EP300: variants seen among roughly 807,000 people sequenced by gnomAD.
EP300 encodes histone acetyltransferase p300.
A neutral mutation model predicts 264.0 loss-of-function variants in EP300; 31 were observed. The ratio of observed to expected loss-of-function variants is 0.12; its 90% CI spans 0.09 to 0.16. EP300 has a LOEUF of 0.16. Ranked by LOEUF, EP300 falls within the 10% of genes least tolerant of loss-of-function variation. The pLI, the probability that EP300 is intolerant of heterozygous loss-of-function variation, is 1.00. For missense variants in EP300, 2,766 were observed against 3,052.9 expected, an observed-to-expected ratio of 0.91 and a Z score of 2.21; for synonymous variants, 1,340 against 1,045.4, an observed-to-expected ratio of 1.28 and a Z score of -5.44.
chr22:41,093,107 C>T lies in EP300; in HGVS notation c.94+9C>T, dbSNP rs916422444. On this transcript the variant is annotated intron_variant, in intron 1 of 30. Coordinates refer to ENST00000263253, the MANE Select transcript of EP300 (RefSeq NM_001429.4). ...CGCCAGCGATGGCACAGGTTAGTTT[C>T]GGCAGCCCCGGCCTTCCACGTTCCC... 1.2e-5 allele frequency: 19 copies of T among 1,613,516 alleles called. No homozygotes were observed. The highest frequency in any genetic ancestry group is 1.5e-5 in the Non-Finnish European group (18 of 1,179,686).
At chr22:41,173,894 C>T (rs1427469712) in intron 29 of EP300, 110 bp downstream of exon 29, 13 of 1,319,648 alleles carry the variant, frequency 9.9e-6, no homozygotes, top group Non-Finnish European at 1.3e-5. Flanking sequence ...GGTGGATCAC[C>T]TGAGGTCAGG....
At chr22:41,098,140 C>A (rs1451640288) in intron 1 of EP300, among the ~76,000 whole-genome samples, 2 of 152,134 alleles carry the variant, frequency 1.3e-5, no homozygotes, top group East Asian at 3.9e-4. Context: ...CTAATGCTAT[C>A]CCTCTCCCCT....
At position 41,117,817 on chromosome 22, in the gene EP300, T is replaced by C. The variant is rs971363378; in HGVS notation, c.725T>C (p.Leu242Pro). The change falls in exon 2 of 31, where the codon CTT (leucine) becomes CCT (proline). Residue 242 changes from leucine (L) to proline (P), a missense_variant. Transcript: ENST00000263253. ...ACAGGATTGAGAGGCCCCCAGCCTC[T>C]TAAGGTAAGTACAGTTTTGGTTTGT... ...GQTGLRGPQPLKMGMMNNPNP... is the reference protein window; with the variant it reads ...GQTGLRGPQPPKMGMMNNPNP... The C allele has an allele frequency of 2.5e-6, 4 of 1,613,798 alleles. No homozygotes were observed. Among genetic ancestry groups the C allele is most frequent in the Non-Finnish European group, 3.4e-6 (4 of 1,180,038 alleles).
chr22:41,139,693 G>C (rs1012317569), intron 8 of EP300, among the ~76,000 whole-genome samples: 1 of 152,038 alleles, frequency 6.6e-6, no homozygotes, highest in African/African-American at 2.4e-5. Context: ...TCAGGTTTTT[G>C]GTTTTTTGTT....
chr22:41,117,699 C>G lies in EP300; in HGVS notation c.607C>G (p.Gln203Glu), dbSNP rs2145697540. ...NGSIGAGRGR[Q>E]NMQYPNPGMG... ...TTCAATTGGAGCAGGCCGAGGGCGA[C>G]AGAATATGCAGTACCCAAACCCAGG... Residue 203 changes from glutamine (Q) to glutamate (E), a missense_variant, in exon 2 of 31, where the codon CAG (glutamine) becomes GAG (glutamate). Coordinates refer to ENST00000263253, the MANE Select transcript of EP300 (RefSeq NM_001429.4). The G allele has an allele frequency of 4.3e-6, 7 of 1,614,196 alleles. No individual in the cohort carries two copies. Among genetic ancestry groups the G allele is most frequent in the Non-Finnish European group, 5.9e-6 (7 of 1,180,036 alleles).
chr22:41,111,484 A>G (rs904124349), intron 1 of EP300, among the ~76,000 whole-genome samples: 1 of 152,220 alleles, frequency 6.6e-6, no homozygotes, highest in African/African-American at 2.4e-5. Context: ...TTCTATGTCA[A>G]CAGTTATATT....
At chr22:41,147,582 C>CA (rs1282613005) in intron 11 of EP300, among the ~76,000 whole-genome samples, 1 of 151,648 alleles carries the variant, frequency 6.6e-6, no homozygotes, top group Admixed American at 6.6e-5. Context: ...ACTAAAAATA[C>CA]AAAAAATTAG....
intron 1 of EP300, among the ~76,000 whole-genome samples, chr22:41,114,265 T>C (rs1792997287): frequency 6.6e-6 from 1 of 152,186 alleles, no homozygotes; most frequent in South Asian, 2.1e-4. Flanking sequence ...CACTGCAGCC[T>C]CAACTTCCCA....
At chr22:41,134,459 G>A (rs1030427875) in intron 6 of EP300, among the ~76,000 whole-genome samples, 7 of 152,024 alleles carry the variant, frequency 4.6e-5, no homozygotes, top group East Asian at 1.9e-4. Flanking sequence ...GTGCAGTAGT[G>A]CGATCTTGGC....
rs372041689 is a variant in EP300 at position 41,178,471 on chromosome 22, G to A, written c.6760G>A (p.Gly2254Ser). 6.2e-7 allele frequency: 1 copy of A among 1,613,966 alleles called. No individual in the cohort carries two copies. Among genetic ancestry groups the A allele is most frequent in the African/African-American group, 1.3e-5 (1 of 74,880 alleles). ...QLPQALGAEA[G>S]ASLQAYQQRL... Reference sequence around the variant, plus strand: ...TCCCCAGGCCTTGGGAGCAGAGGCAGGTGCCAGTCTACAGGCCTATCAGCA... The same window carrying A: ...TCCCCAGGCCTTGGGAGCAGAGGCAAGTGCCAGTCTACAGGCCTATCAGCA... Residue 2254 changes from glycine to serine, a missense_variant, in exon 31 of 31, where the codon GGT becomes AGT. Transcript: ENST00000263253.
intron 10 of EP300, among the ~76,000 whole-genome samples, chr22:41,145,316 C>A (rs577440739): frequency 1.3e-5 from 2 of 152,294 alleles, no homozygotes; most frequent in South Asian, 4.1e-4. Flanking sequence ...TGCAGAGTTA[C>A]AGATAAAAGT....
chr22:41,141,211 G>A lies in EP300; in HGVS notation c.2042G>A (p.Gly681Glu), dbSNP rs1358237815. ...CCTAACATGGGACAGCCGCAACCAG[G>A]AATGACTTCTAGTAAGTGGTTTTTG... ...PGPNMGQPQP[G>E]MTSNGPLPDP... The change falls in exon 10 of 31, where the codon GGA (glycine) becomes GAA (glutamate). Residue 681 changes from glycine (G) to glutamate (E), a missense_variant. Physicochemically the swap from Gly to Glu is moderately conservative, Grantham distance 98 (BLOSUM62 -2). Transcript: ENST00000263253. The A allele has an allele frequency of 6.2e-7, 1 of 1,614,000 alleles. No homozygotes were observed. The highest frequency in any genetic ancestry group is 8.5e-7 in the Non-Finnish European group (1 of 1,180,012).
At chr22:41,104,371 C>T (rs1406383979) in intron 1 of EP300, among the ~76,000 whole-genome samples, 4 of 151,742 alleles carry the variant, frequency 2.6e-5, no homozygotes, top group Non-Finnish European at 2.9e-5. Flanking sequence ...CTCACTGCAA[C>T]CTCTGCCTCC....
chr22:41,125,053 C>G (rs2058873189), intron 2 of EP300, among the ~76,000 whole-genome samples: 1 of 151,256 alleles, frequency 6.6e-6, no homozygotes, highest in South Asian at 2.1e-4. Flanking sequence ...ATCCTCCTAC[C>G]TCAGCCTCCT....
intron 9 of EP300, 41 bp downstream of exon 9, chr22:41,140,298 C>T (rs2058974455): frequency 7.6e-7 from 1 of 1,321,568 alleles, no homozygotes; most frequent in South Asian, 1.2e-5. Flanking sequence ...CAAGATTGAA[C>T]CTGTTGTGGT....
intron 22 of EP300, among the ~76,000 whole-genome samples, chr22:41,166,077 G>T (rs192137644): frequency 6.6e-6 from 1 of 152,214 alleles, no homozygotes; most frequent in East Asian, 1.9e-4. Flanking sequence ...GAGCCACCAC[G>T]CCTGGCTGGT....
chr22:41,167,610 ATATATATATATAT>A (rs1569115738), intron 23 of EP300, among the ~76,000 whole-genome samples: 1 of 39,114 alleles, frequency 2.6e-5, no homozygotes, highest in East Asian at 5.7e-4. Flanking sequence ...ATATATATAT[ATATATATATATAT>A]ATATATATAT....
chr22:41,109,769 G>GGAGCTTCTGAGACCC (rs2058778473), intron 1 of EP300, among the ~76,000 whole-genome samples: 1 of 135,698 alleles, frequency 7.4e-6, no homozygotes, highest in South Asian at 2.5e-4. Flanking sequence ...TTTTTTTTTT[G>GGAGCTTCTGAGACCC]GAGCTTCTGA....
chr22:41,147,566 G>A (rs575374785), intron 11 of EP300, among the ~76,000 whole-genome samples: 15 of 151,990 alleles, frequency 9.9e-5, no homozygotes, highest in Admixed American at 3.3e-4. Flanking sequence ...TGAAACCCCC[G>A]TCTCTACTAA....
Sources: allele counts gnomAD v4.1 joint callset (sites outside exome capture counted in the v4.1 genomes callset), GRCh38; gene constraint gnomAD v4.1.1; transcripts MANE v1.5; gene names NCBI Gene and HGNC (gene_info 2026-07-23, HGNC 2026-07-21).